Variants in VWA8 observed in about 807,000 individuals in gnomAD.
VWA8 encodes the protein von Willebrand factor A domain containing 8, also known as von Willebrand factor A domain-containing protein 8.
Under a neutral mutation model 241.5 loss-of-function variants are expected in VWA8, and 221 were observed. The observed-to-expected ratio is 0.91, with a 90% CI of 0.82 to 1.02. The LOEUF (loss-of-function observed/expected upper bound fraction) is 1.02, where lower values mean the gene tolerates loss of function less well. Among genes scored for constraint, VWA8 ranks in the 50% least tolerant of loss-of-function variants. The pLI is 0.00. For missense variants in VWA8, 2,322 were observed against 2,328.7 expected (o/e 1.00, Z 0.06); for synonymous variants, 852 against 827.1 (o/e 1.03, Z -0.52).
At position 41,691,358 on chromosome 13, in the gene VWA8, T is replaced by C; in HGVS notation, c.3828A>G (p.Ala1276=). ...TCTCCACCAGAAGCCATTTGTCCTCTGCTACAAGGAAAACTGTCTTGAGGT... is the reference window on the plus strand; with the variant it reads ...TCTCCACCAGAAGCCATTTGTCCTCCGCTACAAGGAAAACTGTCTTGAGGT... ...PINLKTVFLV[A]EDKWLLVESK... is the part of the protein sequence containing the mutation. Residue 1276 remains alanine, a synonymous_variant, in exon 32 of 45, where the codon GCA becomes GCG. Transcript: ENST00000379310. The C allele has an allele frequency of 1.2e-6, 2 of 1,612,716 alleles. No individual in the cohort carries two copies. Among genetic ancestry groups the C allele is most frequent in the African/African-American group, 1.3e-5 (1 of 74,958 alleles).
At chr13:41,912,277 G>A in intron 2 of VWA8, 109 bp from the exon 3 acceptor site, 2 of 770,172 alleles carry the variant, frequency 2.6e-6, no homozygotes, top group Non-Finnish European at 1.8e-6. Flanking sequence ...TATAAAATAT[G>A]TGTTTATCTG....
chr13:41,845,076 G>C (rs1872227981), intron 12 of VWA8, among the ~76,000 whole-genome samples: 1 of 151,746 alleles, frequency 6.6e-6, no homozygotes, highest in African/African-American at 2.4e-5. Context: ...ACCAAAAAAG[G>C]CCCAAATAGC....
intron 2 of VWA8, among the ~76,000 whole-genome samples, chr13:41,931,652 ACTAT>A (rs1260738490): frequency 2.0e-5 from 3 of 152,296 alleles, no homozygotes; most frequent in African/African-American, 7.2e-5. Flanking sequence ...TAACCATTTT[ACTAT>A]CTATATATAT....
chr13:41,886,957 T>C, intron 6 of VWA8, 127 bp from the exon 7 acceptor site: 2 of 873,886 alleles, frequency 2.3e-6, no homozygotes, highest in Middle Eastern at 3.1e-4. Flanking sequence ...CAAAAAATCA[T>C]TTATTGATAC....
chr13:41,929,151 A>ATT lies in VWA8; in HGVS notation c.242-16985_242-16984dup, dbSNP rs367906772. Among the ~76,000 whole-genome samples the ATT allele has an allele frequency of 3.1e-3, 396 of 126,634 alleles. 2 individuals are homozygous for ATT. The highest frequency in any genetic ancestry group is 8.2e-3 in the South Asian group (32 of 3,924). The allele number at this position is 126,634 out of a possible 152,430, so 83.1% of individuals were successfully genotyped here. A position where few individuals can be genotyped will look rare whatever the true frequency, so the allele number is the denominator to read the frequency against. On this transcript the variant is annotated intron_variant, in intron 2 of 44. Coordinates refer to ENST00000379310, the MANE Select transcript of VWA8 (RefSeq NM_015058.2). ...GGAAACATCACACTTCTTGACTTTA[A>ATT]TTTTTTTTTTTTTTTTTTTTTTGAG...
intron 37 of VWA8, among the ~76,000 whole-genome samples, chr13:41,646,313 T>G (rs1420405990): frequency 6.6e-6 from 1 of 152,216 alleles, no homozygotes; most frequent in African/African-American, 2.4e-5. Flanking sequence ...GAACCTAATC[T>G]GAATCATTAA....
chr13:41,671,223 T>C, intron 36 of VWA8, 76 bp from the exon 37 acceptor site: 1 of 1,483,212 alleles, frequency 6.7e-7, no homozygotes, highest in Admixed American at 1.7e-5. Flanking sequence ...CATTGTAATG[T>C]TCTTTACTGT....
At chr13:41,588,489 G>C (rs974713154) in intron 41 of VWA8, among the ~76,000 whole-genome samples, 2 of 152,208 alleles carry the variant, frequency 1.3e-5, no homozygotes, top group Non-Finnish European at 2.9e-5. Context: ...GGGAGGCCAA[G>C]GTGGGAGAAC....
At chr13:41,784,697 CAT>C (rs59582293) in intron 18 of VWA8, among the ~76,000 whole-genome samples, 820 of 56,966 alleles carry the variant, frequency 0.014, 23 homozygotes, top group African/African-American at 0.034. Flanking sequence ...TATACATATA[CAT>C]ATATATATAT....
chr13:41,862,395 T>C (rs1566484957), intron 12 of VWA8, among the ~76,000 whole-genome samples: 1 of 152,192 alleles, frequency 6.6e-6, no homozygotes, highest in Non-Finnish European at 1.5e-5. Context: ...GCAAAGAATT[T>C]ATGACTAAGA....
At chr13:41,872,365 A>T (rs1326670131) in intron 9 of VWA8, among the ~76,000 whole-genome samples, 1 of 152,164 alleles carries the variant, frequency 6.6e-6, no homozygotes, top group East Asian at 1.9e-4. Flanking sequence ...GGTGTTTTAG[A>T]CATGAAGTCC....
At chr13:41,695,638 T>C (rs1403482092) in intron 29 of VWA8, among the ~76,000 whole-genome samples, 1 of 152,114 alleles carries the variant, frequency 6.6e-6, no homozygotes, top group Non-Finnish European at 1.5e-5. Flanking sequence ...GAAGGCAGTT[T>C]AGAGGACAGG....
intron 21 of VWA8, among the ~76,000 whole-genome samples, chr13:41,751,059 A>G (rs12584644): frequency 0.19 from 28,641 of 152,036 alleles, 3,454 homozygotes; most frequent in East Asian, 0.36. Context: ...ATAGAGCTGT[A>G]GTGAGCAGTA....
At position 41,883,382 on chromosome 13, in the gene VWA8, C is replaced by T. The variant is rs1312374131; in HGVS notation, c.1080+5G>A. On this transcript the variant is annotated splice_donor_5th_base_variant and intron_variant, in intron 9 of 44. Coordinates refer to ENST00000379310, the MANE Select transcript of VWA8 (RefSeq NM_015058.2). ...GAAAGGAAAGAAAGGGAAGCAGACA[C>T]TCACCTTTAAAACACCTTCCACAGC... 1 of 1,602,872 alleles carries T rather than the reference C, an allele frequency of 6.2e-7. No homozygotes were observed. Among genetic ancestry groups the T allele is most frequent in the Non-Finnish European group, 8.5e-7 (1 of 1,170,492 alleles).
At chr13:41,717,425 T>C (rs2045354771) in intron 26 of VWA8, among the ~76,000 whole-genome samples, 1 of 151,916 alleles carries the variant, frequency 6.6e-6, no homozygotes, top group Non-Finnish European at 1.5e-5. Context: ...ATGACCAAAA[T>C]GGAATGGTGA....
At chr13:41,912,953 A>G (rs1277930662) in intron 2 of VWA8, among the ~76,000 whole-genome samples, 1 of 152,204 alleles carries the variant, frequency 6.6e-6, no homozygotes, top group Non-Finnish European at 1.5e-5. Flanking sequence ...AGAAAAACTC[A>G]TAACCTTGTA....
intron 17 of VWA8, among the ~76,000 whole-genome samples, chr13:41,803,473 G>A (rs149197774): frequency 7.2e-5 from 11 of 152,318 alleles, no homozygotes; most frequent in African/African-American, 2.6e-4. Flanking sequence ...TGGGTGGGGA[G>A]GCCTCACAAT....
rs201878447 is a variant in VWA8 at position 41,685,353 on chromosome 13, G to C, written c.4132-111C>G. 547 of 1,051,460 alleles carry C rather than the reference G, an allele frequency of 5.2e-4. 3 individuals are homozygous for C. In the East Asian group the frequency reaches 7.6e-3, roughly 15 times the overall value. The allele number at this position is 1,051,460 out of a possible 1,614,324, so 65.1% of individuals were successfully genotyped here. A position where few individuals can be genotyped will look rare whatever the true frequency, so the allele number is the denominator to read the frequency against. On this transcript the variant is annotated intron_variant, in intron 34 of 44. Transcript: ENST00000379310. ...CTAGTGGGAAACTAATGTTTCACAGGTATAAGAAAATCAAATTATTGGCTG... is the reference window on the plus strand; with the variant it reads ...CTAGTGGGAAACTAATGTTTCACAGCTATAAGAAAATCAAATTATTGGCTG...
intron 2 of VWA8, among the ~76,000 whole-genome samples, chr13:41,921,992 A>G (rs1474631911): frequency 3.3e-5 from 5 of 152,214 alleles, no homozygotes; most frequent in Admixed American, 6.5e-5. Flanking sequence ...TCCTAAGCCA[A>G]TAGAACAAAG....
Sources: allele counts gnomAD v4.1 joint callset (sites outside exome capture counted in the v4.1 genomes callset), GRCh38; gene constraint gnomAD v4.1.1; transcripts MANE v1.5; gene names NCBI Gene and HGNC (gene_info 2026-07-23, HGNC 2026-07-21).